Variants in MAPK10 observed in about 807,000 individuals in gnomAD.
The protein encoded by MAPK10 is JNK3 alpha protein kinase.
Under a neutral mutation model 59.3 loss-of-function variants are expected in MAPK10, and 25 were observed. That is an observed-to-expected ratio of 0.42 (90% CI 0.31 to 0.59). The LOEUF is 0.59. Among genes scored for constraint, MAPK10 ranks in the 20% least tolerant of loss-of-function variants. The pLI, the probability that MAPK10 is intolerant of heterozygous loss-of-function variation, is 0.15. For synonymous variants in MAPK10, 190 were observed against 200.5 expected (o/e 0.95, Z 0.44); for missense variants, 351 against 568.9 (o/e 0.62, Z 3.90).
chr4:86,582,575 C>T (rs937286126), intron 1 of MAPK10, among the ~76,000 whole-genome samples: 34 of 152,124 alleles, frequency 2.2e-4, no homozygotes, highest in Admixed American at 1.4e-3. Flanking sequence ...ATTTACTTGG[C>T]TTAATCTATA....
In MAPK10 at chr4:86,423,762, TATATATAC is replaced by T. The variant is rs1398685348; in HGVS notation, c.-122+29260_-122+29267del. Among the ~76,000 whole-genome samples the T allele has an allele frequency of 7.7e-4, 44 of 57,494 alleles. 2 individuals are homozygous for T. Among genetic ancestry groups the T allele is most frequent in the African/African-American group, 8.9e-4 (19 of 21,462 alleles). The allele number at this position is 57,494 out of a possible 152,430, so 37.7% of individuals were successfully genotyped here. A position where few individuals can be genotyped will look rare whatever the true frequency, so the allele number is the denominator to read the frequency against. On this transcript the variant is annotated intron_variant, in intron 1 of 13. Coordinates refer to the MAPK10 transcript ENST00000361569. Reference sequence around the variant, plus strand: ...GGCTGCATATAAGTAATTAGTGGGATATATATACATATATATATATATATATATATATA... The same window carrying T: ...GGCTGCATATAAGTAATTAGTGGGATATATATATATATATATATATATATA...
At chr4:86,159,598 T>A (rs2068875162) in intron 3 of MAPK10, 131 bp from the exon 4 acceptor site, 1 of 683,588 alleles carries the variant, frequency 1.5e-6, no homozygotes, top group Middle Eastern at 4.0e-4. Context: ...GAAGTTCACA[T>A]AGAAAAAAAA....
At chr4:86,431,691 C>A (rs770362356) in intron 1 of MAPK10, among the ~76,000 whole-genome samples, 9 of 152,104 alleles carry the variant, frequency 5.9e-5, no homozygotes, top group Non-Finnish European at 1.0e-4. Flanking sequence ...ACAAGCACTT[C>A]AAGGGAGGAG....
chr4:86,517,436 C>T (rs762706660), intron 1 of MAPK10, among the ~76,000 whole-genome samples: 11 of 152,040 alleles, frequency 7.2e-5, no homozygotes, highest in African/African-American at 9.6e-5. Context: ...CCACCGCGCC[C>T]GGCTAACTTT....
chr4:86,478,198 C>T (rs1453512890), intron 1 of MAPK10, among the ~76,000 whole-genome samples: 2 of 152,114 alleles, frequency 1.3e-5, no homozygotes, highest in Non-Finnish European at 2.9e-5. Context: ...TAAAAGGAAA[C>T]CTAGCTGACC....
intron 2 of MAPK10, among the ~76,000 whole-genome samples, chr4:86,281,262 T>C (rs1204799528): frequency 2.0e-5 from 3 of 152,072 alleles, no homozygotes; most frequent in Non-Finnish European, 4.4e-5. Flanking sequence ...CCCAGCACTT[T>C]AGGAGGCAGG....
intron 2 of MAPK10, among the ~76,000 whole-genome samples, chr4:86,220,531 A>AT (rs1389462540): frequency 1.3e-5 from 2 of 152,224 alleles, no homozygotes; most frequent in Admixed American, 1.3e-4. Flanking sequence ...GTCCTGAAGA[A>AT]TTTAAGAATT....
intron 2 of MAPK10, among the ~76,000 whole-genome samples, chr4:86,335,856 C>A (rs1044720464): frequency 1.3e-5 from 2 of 152,096 alleles, no homozygotes; most frequent in Non-Finnish European, 2.9e-5. Context: ...ATCATGAGAA[C>A]AGCATGGGGG....
intron 4 of MAPK10, among the ~76,000 whole-genome samples, chr4:86,115,849 G>A (rs576085161): frequency 6.6e-6 from 1 of 152,116 alleles, no homozygotes; most frequent in Non-Finnish European, 1.5e-5. Flanking sequence ...TTAAAATACT[G>A]TCTCTTAAAA....
chr4:86,200,320 T>C (rs1267503006), intron 2 of MAPK10, among the ~76,000 whole-genome samples: 1 of 151,988 alleles, frequency 6.6e-6, no homozygotes, highest in Non-Finnish European at 1.5e-5. Context: ...CATGTGCCTT[T>C]TTTGGAAAAT....
At chr4:86,064,454 G>T in intron 10 of MAPK10, 64 bp from the exon 11 acceptor site, 1 of 1,540,802 alleles carries the variant, frequency 6.5e-7, no homozygotes, top group Non-Finnish European at 9.0e-7. Flanking sequence ...ATTTGTCAGA[G>T]AGGAAATTTA....
At chr4:86,080,093 A>C (rs1286926261) in intron 9 of MAPK10, 2 of 152,068 alleles carry the variant, frequency 1.3e-5, no homozygotes, top group African/African-American at 4.8e-5. Flanking sequence ...GGTACTCAAA[A>C]ATATTTATGT....
chr4:86,171,887 A>T (rs1200452352), intron 3 of MAPK10, among the ~76,000 whole-genome samples: 6 of 151,198 alleles, frequency 4.0e-5, no homozygotes, highest in Non-Finnish European at 8.8e-5. Context: ...ACAAGAAAAA[A>T]ACAACCCCAT....
chr4:86,564,295 C>A (rs1038045105), intron 1 of MAPK10, among the ~76,000 whole-genome samples: 1 of 152,064 alleles, frequency 6.6e-6, no homozygotes, highest in African/African-American at 2.4e-5. Flanking sequence ...GTTTGTATAG[C>A]TTTTGAGATG....
At chr4:86,214,511 TAAAAAAA>T (rs70948783) in intron 2 of MAPK10, among the ~76,000 whole-genome samples, 16 of 75,974 alleles carry the variant, frequency 2.1e-4, no homozygotes, top group Admixed American at 1.6e-3. Flanking sequence ...TAAGATTCCT[TAAAAAAA>T]AAAAAAAAAA....
chr4:86,206,123 C>G (rs942344189), intron 2 of MAPK10, among the ~76,000 whole-genome samples: 1 of 151,632 alleles, frequency 6.6e-6, no homozygotes, highest in African/African-American at 2.4e-5. Flanking sequence ...TATACATGTG[C>G]CATGCTGCTG....
chr4:86,045,147 A>G (rs2042262621), intron 11 of MAPK10, among the ~76,000 whole-genome samples: 1 of 151,996 alleles, frequency 6.6e-6, no homozygotes, highest in Non-Finnish European at 1.5e-5. Context: ...AGTTTTCTCT[A>G]TTTTTCATTC....
At chr4:86,153,265 T>C (rs921192726) in intron 4 of MAPK10, among the ~76,000 whole-genome samples, 6 of 152,192 alleles carry the variant, frequency 3.9e-5, no homozygotes, top group Admixed American at 3.9e-4. Context: ...TATCAACAAA[T>C]GATTTACAGA....
At chr4:86,572,491 T>C (rs1761533530) in intron 1 of MAPK10, among the ~76,000 whole-genome samples, 1 of 152,196 alleles carries the variant, frequency 6.6e-6, no homozygotes, top group African/African-American at 2.4e-5. Flanking sequence ...TGGAATTCTG[T>C]GTTCATGGGG....
Sources: allele counts gnomAD v4.1 joint callset (sites outside exome capture counted in the v4.1 genomes callset), GRCh38; gene constraint gnomAD v4.1.1; transcripts MANE v1.5; gene names NCBI Gene and HGNC (gene_info 2026-07-23, HGNC 2026-07-21).